The following MAP2K5 variants were observed in gnomAD, a reference collection of about 807,000 sequenced individuals.
The protein encoded by MAP2K5 is dual specificity mitogen-activated protein kinase kinase 5.
MAP2K5 carries 49 observed loss-of-function variants against 83.1 expected under a neutral mutation model. That is an observed-to-expected ratio of 0.59 (90% CI 0.47 to 0.75). MAP2K5 has a LOEUF of 0.75. MAP2K5 is among the 30% of genes least tolerant of loss of function. The pLI is 0.00. For missense variants in MAP2K5, 457 were observed against 557.5 expected, an observed-to-expected ratio of 0.82 and a Z score of 1.82; for synonymous variants, 202 against 191.8, an observed-to-expected ratio of 1.05 and a Z score of -0.44.
In MAP2K5 at chr15:67,774,352, A is replaced by G. The variant is rs1346747626; in HGVS notation, c.1242+1600A>G. On this transcript the variant is annotated intron_variant, in intron 21 of 21. Transcript: ENST00000178640. This position sits in a 1 kb window ranked among gnomAD's most constrained non-coding sequence, Gnocchi z 4.9. ...AGCACCATTCCATACTTAATTTAACATTATTTCTAGTACTGCTCACTGTTT... is the reference window on the plus strand; with the variant it reads ...AGCACCATTCCATACTTAATTTAACGTTATTTCTAGTACTGCTCACTGTTT... Among the ~76,000 whole-genome samples the G allele has an allele frequency of 1.3e-5, 2 of 152,120 alleles. No individual in the cohort carries two copies. Among genetic ancestry groups the G allele is most frequent in the Non-Finnish European group, 2.9e-5 (2 of 68,024 alleles).
intron 2 of MAP2K5, among the ~76,000 whole-genome samples, chr15:67,556,534 T>C (rs994596276): frequency 7.1e-6 from 1 of 140,384 alleles, no homozygotes; most frequent in Non-Finnish European, 1.5e-5. Context: ...AATTTGTTTA[T>C]TTTTCTTTTT....
rs1407380722 is a variant in MAP2K5, at chr15:67,750,398, C to T, written c.1134+1797C>T. ...TATTAGGAAAGGATTGGCCAGATGACCTGCCTTAGACAAGATGAATCATAG... is the reference window on the plus strand; with the variant it reads ...TATTAGGAAAGGATTGGCCAGATGATCTGCCTTAGACAAGATGAATCATAG... On this transcript the variant is annotated intron_variant, in intron 19 of 21. Transcript: ENST00000178640. This position sits in a 1 kb window ranked among gnomAD's most constrained non-coding sequence, Gnocchi z 4.2. Among the ~76,000 whole-genome samples the T allele has an allele frequency of 6.6e-6, 1 of 152,176 alleles. No homozygotes were observed. Among genetic ancestry groups the T allele is most frequent in the African/African-American group, 2.4e-5 (1 of 41,454 alleles).
rs1292402082 is a variant in MAP2K5 at position 67,573,277 on chromosome 15, A to G, written c.253-7477A>G. On this transcript the variant is annotated intron_variant, in intron 3 of 21. Transcript: ENST00000178640. The surrounding 1 kb of genome is among the most constrained non-coding windows in gnomAD (Gnocchi z 4.2). Reference sequence around the variant, plus strand: ...TTTGAGACTGGGTAATTTATAAAGAAAAGAGGTTTAATTGACACAGTTCTG... The same window carrying G: ...TTTGAGACTGGGTAATTTATAAAGAGAAGAGGTTTAATTGACACAGTTCTG... 6.6e-6 allele frequency among the ~76,000 whole-genome samples: 1 copy of G among 152,184 alleles called. No individual in the cohort carries two copies. The highest frequency in any genetic ancestry group is 1.9e-4 in the East Asian group (1 of 5,188).
chr15:67,712,355 T>C (rs1201996486), intron 16 of MAP2K5, among the ~76,000 whole-genome samples: 1 of 152,222 alleles, frequency 6.6e-6, no homozygotes, highest in Non-Finnish European at 1.5e-5. Context: ...GCCCCATCCA[T>C]GAGCACAGTT....
intron 8 of MAP2K5, among the ~76,000 whole-genome samples, chr15:67,603,520 TATAAAA>T (rs1362100807): frequency 2.6e-5 from 4 of 152,208 alleles, no homozygotes; most frequent in Non-Finnish European, 5.9e-5. Flanking sequence ...GTAGATTTCT[TATAAAA>T]AGAAATTTCA....
chr15:67,709,136 G>T (rs2088628965), intron 16 of MAP2K5, among the ~76,000 whole-genome samples: 2 of 152,200 alleles, frequency 1.3e-5, no homozygotes, highest in Non-Finnish European at 2.9e-5. Flanking sequence ...TAAATGTGTT[G>T]TAGTTCCCCT....
At chr15:67,804,715 G>T (rs1479628083) in intron 21 of MAP2K5, among the ~76,000 whole-genome samples, 1 of 152,172 alleles carries the variant, frequency 6.6e-6, no homozygotes, top group Non-Finnish European at 1.5e-5. Context: ...GTGTTACCCC[G>T]GGCGTGGGGG....
chr15:67,711,829 G>C (rs1266178471), intron 16 of MAP2K5, among the ~76,000 whole-genome samples: 1 of 152,218 alleles, frequency 6.6e-6, no homozygotes, highest in African/African-American at 2.4e-5. Context: ...ACACCCAAAG[G>C]GTCAGGAATT....
Position 67,775,623 on chromosome 15 carries a change from A to G in MAP2K5, c.1242+2871A>G, listed in dbSNP as rs2090223993. 6.6e-6 allele frequency among the ~76,000 whole-genome samples: 1 copy of G among 152,258 alleles called. No individual in the cohort carries two copies. The highest frequency in any genetic ancestry group is 2.4e-5 in the African/African-American group (1 of 41,464). On this transcript the variant is annotated intron_variant, in intron 21 of 21. Transcript: ENST00000178640. This position sits in a 1 kb window ranked among gnomAD's most constrained non-coding sequence, Gnocchi z 5.3. ...CTTTTGGAGCTATAGCAAGTATACA[A>G]ATAACTAGAATGAAGTAACTAGTAT...
intron 2 of MAP2K5, among the ~76,000 whole-genome samples, chr15:67,560,610 G>A (rs2084715425): frequency 6.6e-6 from 1 of 152,238 alleles, no homozygotes; most frequent in African/African-American, 2.4e-5. Context: ...CTGGGTTGAT[G>A]TCAAAAGCTA....
chr15:67,591,116 G>GT (rs2085399526), intron 6 of MAP2K5, among the ~76,000 whole-genome samples: 1 of 152,048 alleles, frequency 6.6e-6, no homozygotes, highest in South Asian at 2.1e-4. Context: ...GGAGGCCAAG[G>GT]TGGGCAGATC....
rs1163076364 is a variant in MAP2K5, at chr15:67,736,126, A to AG, written c.1074+8185dup. ...CCGTGGGAAGGAAGTAAGAAAAGGG[A>AG]GGGGAGCATGGTAGAGGAGGGAGGT... On this transcript the variant is annotated intron_variant, in intron 17 of 21. Coordinates refer to ENST00000178640, the MANE Select transcript of MAP2K5 (RefSeq NM_145160.3). The surrounding 1 kb of genome is among the most constrained non-coding windows in gnomAD (Gnocchi z 4.3). Among the ~76,000 whole-genome samples, 3 of 152,194 alleles carry AG rather than the reference A, an allele frequency of 2.0e-5. No individual in the cohort carries two copies. Among genetic ancestry groups the AG allele is most frequent in the Non-Finnish European group, 4.4e-5 (3 of 68,016 alleles).
At chr15:67,787,817 T>G (rs1031440716) in intron 21 of MAP2K5, among the ~76,000 whole-genome samples, 1 of 152,246 alleles carries the variant, frequency 6.6e-6, no homozygotes, top group Non-Finnish European at 1.5e-5. Context: ...GACCTAACTG[T>G]AGGCTTTAAC....
Position 67,565,016 on chromosome 15 carries a change from A to G in MAP2K5, c.252+1666A>G, listed in dbSNP as rs2084809575. On this transcript the variant is annotated intron_variant, in intron 3 of 21. Coordinates refer to ENST00000178640, the MANE Select transcript of MAP2K5 (RefSeq NM_145160.3). This position sits in a 1 kb window ranked among gnomAD's most constrained non-coding sequence, Gnocchi z 4.1. ...GAGGTATTTAATTTTTTTAGTTTTA[A>G]TAATCACTCTGTAAGACAGATATTA... Among the ~76,000 whole-genome samples the G allele has an allele frequency of 6.6e-6, 1 of 152,200 alleles. No homozygotes were observed. The highest frequency in any genetic ancestry group is 1.5e-5 in the Non-Finnish European group (1 of 68,038).
In MAP2K5 at chr15:67,690,402, G is replaced by T. The variant is rs903733558; in HGVS notation, c.848-2077G>T. 6.6e-6 allele frequency among the ~76,000 whole-genome samples: 1 copy of T among 152,122 alleles called. No homozygotes were observed. Among genetic ancestry groups the T allele is most frequent in the East Asian group, 1.9e-4 (1 of 5,190 alleles). On this transcript the variant is annotated intron_variant, in intron 13 of 21. Transcript: ENST00000178640. This position sits in a 1 kb window ranked among gnomAD's most constrained non-coding sequence, Gnocchi z 4.3. ...GAGAATACTTAACCTCCTCCTTAAG[G>T]AGACAAGTGATGTAGTGAAAGTGGT...
chr15:67,701,297 C>CTTAT (rs1473604158), intron 15 of MAP2K5, among the ~76,000 whole-genome samples: 1 of 152,164 alleles, frequency 6.6e-6, no homozygotes, highest in East Asian at 1.9e-4. Flanking sequence ...CTCTAAGGAA[C>CTTAT]TTATTTGTTC....
chr15:67,588,446 T>C (rs1312909364), intron 6 of MAP2K5, among the ~76,000 whole-genome samples: 1 of 152,226 alleles, frequency 6.6e-6, no homozygotes, highest in Non-Finnish European at 1.5e-5. Context: ...TGATACTCCC[T>C]TCTTCCTTGT....
At chr15:67,622,853 C>T (rs368477945) in intron 8 of MAP2K5, among the ~76,000 whole-genome samples, 17 of 152,250 alleles carry the variant, frequency 1.1e-4, no homozygotes, top group African/African-American at 4.1e-4. Flanking sequence ...AATCCCAGCA[C>T]TTTGGGAGGT....
At chr15:67,662,713 C>A (rs576115718) in intron 12 of MAP2K5, among the ~76,000 whole-genome samples, 2 of 152,242 alleles carry the variant, frequency 1.3e-5, no homozygotes, top group African/African-American at 4.8e-5. Context: ...GTCATGGAAA[C>A]ATCTTTTTTT....
Sources: allele counts gnomAD v4.1 joint callset (sites outside exome capture counted in the v4.1 genomes callset), GRCh38; gene constraint gnomAD v4.1.1; non-coding constraint Gnocchi (gnomAD v3.1); transcripts MANE v1.5; gene names NCBI Gene and HGNC (gene_info 2026-07-23, HGNC 2026-07-21).